Variants in OR5AR1 observed in about 807,000 individuals in gnomAD.
OR5AR1 encodes olfactory receptor 5AR1.
Under a neutral mutation model 12.3 loss-of-function variants are expected in OR5AR1, and 19 were observed. The observed-to-expected ratio is 1.55, with a 90% CI of 1.08 to 2.27. The LOEUF is 2.27. Ranked by LOEUF, OR5AR1 falls within the 30% of genes most tolerant of loss-of-function variation. OR5AR1 has a pLI of 0.00. For missense variants in OR5AR1, 432 were observed against 378.4 expected (o/e 1.14, Z -1.18); for synonymous variants, 156 against 138.8 (o/e 1.12, Z -0.87).
In OR5AR1 at chr11:56,663,907, C is replaced by T. The variant is rs1473474953; in HGVS notation, c.222C>T (p.Ser74=). ...TCTCCTTTGTTGACCTGGGCTACTC[C>T]TCAGCCATTGCCCCCAGGATGCTGG... ...CNLSFVDLGY[S]SAIAPRMLAD... The change falls in exon 1 of 1, where the codon TCC becomes TCT. Residue 74 remains serine (S), a synonymous_variant. Transcript: ENST00000624596. The T allele has an allele frequency of 6.2e-7, 1 of 1,613,920 alleles. No homozygotes were observed. Among genetic ancestry groups the T allele is most frequent in the South Asian group, 1.1e-5 (1 of 91,078 alleles).
At position 56,664,556 on chromosome 11, in the gene OR5AR1, A is replaced by C; in HGVS notation, c.871A>C (p.Ser291Arg). ...IIPMLNPLIY[S>R]LRNKDVKAAF... is the part of the protein sequence containing the mutation. ...CCCCATGTTAAATCCCTTGATCTAC[A>C]GTTTGCGGAACAAGGATGTGAAAGC... Residue 291 changes from serine to arginine, a missense_variant, in exon 1 of 1, where the codon AGT becomes CGT. Ser to Arg is a moderately radical substitution (Grantham distance 110). Coordinates refer to ENST00000624596, the MANE Select transcript of OR5AR1 (RefSeq NM_001004730.1). 1 of 1,613,474 alleles carries C rather than the reference A, an allele frequency of 6.2e-7. No homozygotes were observed. The highest frequency in any genetic ancestry group is 8.5e-7 in the Non-Finnish European group (1 of 1,179,656).
At position 56,663,783 on chromosome 11, in the gene OR5AR1, T is replaced by G. The variant is rs778459368; in HGVS notation, c.98T>G (p.Ile33Arg). The change falls in exon 1 of 1, where the codon ATA becomes AGA. Residue 33 changes from isoleucine (I) to arginine (R), a missense_variant. Coordinates refer to ENST00000624596, the MANE Select transcript of OR5AR1 (RefSeq NM_001004730.1). ...MEIIFFVVFL[I>R]VYLVNVVGNI... Reference sequence around the variant, plus strand: ...ATCATCTTCTTCGTGGTCTTCCTCATAGTTTACCTGGTTAATGTAGTGGGG... The same window carrying G: ...ATCATCTTCTTCGTGGTCTTCCTCAGAGTTTACCTGGTTAATGTAGTGGGG... The G allele has an allele frequency of 6.8e-6, 11 of 1,613,490 alleles. No individual in the cohort carries two copies. The highest frequency in any genetic ancestry group is 9.3e-6 in the Non-Finnish European group (11 of 1,179,570).
At position 56,664,373 on chromosome 11, in the gene OR5AR1, T is replaced by C; in HGVS notation, c.688T>C (p.Ser230Pro). Residue 230 changes from serine (S) to proline (P), a missense_variant, in exon 1 of 1, where the codon TCA (serine) becomes CCA (proline). Transcript: ENST00000624596. ...CCTTGTTGCAATCATCAGAATGCGT[T>C]CAGCTGAAGGCCGCCTTAAGGCTTT... Reference protein sequence around the residue: ...FILVAIIRMRSAEGRLKAFST... With the variant: ...FILVAIIRMRPAEGRLKAFST... 6.2e-7 allele frequency: 1 copy of C among 1,614,064 alleles called. No homozygotes were observed. Among genetic ancestry groups the C allele is most frequent in the African/African-American group, 1.3e-5 (1 of 75,036 alleles).
chr11:56,663,864 A>G lies in OR5AR1; in HGVS notation c.179A>G (p.Tyr60Cys). The part of the protein sequence containing the change: ...TTDTQLHTPM[Y>C]FFLCNLSFVD... ...GACACTCAGCTTCACACACCCATGT[A>G]TTTTTTCCTCTGCAACCTCTCCTTT... Residue 60 changes from tyrosine to cysteine, a missense_variant, in exon 1 of 1, where the codon TAT (tyrosine) becomes TGT (cysteine). By Grantham distance (194) the Tyr-to-Cys change is radical. Coordinates refer to ENST00000624596, the MANE Select transcript of OR5AR1 (RefSeq NM_001004730.1). 1 of 1,613,926 alleles carries G rather than the reference A, an allele frequency of 6.2e-7. No individual in the cohort carries two copies. Among genetic ancestry groups the G allele is most frequent in the Non-Finnish European group, 8.5e-7 (1 of 1,179,968 alleles).
chr11:56,664,124 G>T lies in OR5AR1; in HGVS notation c.439G>T (p.Gly147Cys). 6.2e-7 allele frequency: 1 copy of T among 1,613,900 alleles called. No individual in the cohort carries two copies. The highest frequency in any genetic ancestry group is 8.5e-7 in the Non-Finnish European group (1 of 1,179,962). ...GCAGGTCTGCTTGGCTCTCATGCTGGGCTCTTACCTGGCTGGTCTAGTGAG... is the reference window on the plus strand; with the variant it reads ...GCAGGTCTGCTTGGCTCTCATGCTGTGCTCTTACCTGGCTGGTCTAGTGAG... ...SKQVCLALMLGSYLAGLVSLV... is the reference protein window; with the variant it reads ...SKQVCLALMLCSYLAGLVSLV... Residue 147 changes from glycine to cysteine, a missense_variant, in exon 1 of 1, where the codon GGC becomes TGC. Physicochemically the swap from Gly to Cys is radical, Grantham distance 159. Coordinates refer to ENST00000624596, the MANE Select transcript of OR5AR1 (RefSeq NM_001004730.1).
rs753764054 is a variant in OR5AR1 at position 56,663,779 on chromosome 11, C to T, written c.94C>T (p.Leu32Phe). 1 of 1,613,532 alleles carries T rather than the reference C, an allele frequency of 6.2e-7. No homozygotes were observed. The highest frequency in any genetic ancestry group is 1.1e-5 in the South Asian group (1 of 91,064). The change falls in exon 1 of 1, where the codon CTC becomes TTC. Residue 32 changes from leucine to phenylalanine, a missense_variant. Transcript: ENST00000624596. ...QMEIIFFVVF[L>F]IVYLVNVVGN... ...GGAGATCATCTTCTTCGTGGTCTTC[C>T]TCATAGTTTACCTGGTTAATGTAGT...
Position 56,664,302 on chromosome 11 carries a change from T to C in OR5AR1, c.617T>C (p.Ile206Thr), listed in dbSNP as rs768203065. ...TTGCTCTTCAGTCTGTGTGGCTTCA[T>C]TGAATTCAGCACCATCCTCATCATC... ...EILLFSLCGF[I>T]EFSTILIIFI... The change falls in exon 1 of 1, where the codon ATT (isoleucine) becomes ACT (threonine). Residue 206 changes from isoleucine to threonine, a missense_variant. Transcript: ENST00000624596. 9.3e-6 allele frequency: 15 copies of C among 1,614,038 alleles called. No individual in the cohort carries two copies. The South Asian group carries it at 1.4e-4, about 15-fold the overall frequency.
chr11:56,664,050 G>A lies in OR5AR1; in HGVS notation c.365G>A (p.Arg122His), dbSNP rs143043362. 5.3e-5 allele frequency: 86 copies of A among 1,613,974 alleles called. No homozygotes were observed. Among genetic ancestry groups the A allele is most frequent in the East Asian group, 2.7e-4 (12 of 44,834 alleles). The change falls in exon 1 of 1, where the codon CGT becomes CAT. Residue 122 changes from arginine to histidine, a missense_variant. Arg to His is a conservative substitution (Grantham distance 29, BLOSUM62 0). Coordinates refer to ENST00000624596, the MANE Select transcript of OR5AR1 (RefSeq NM_001004730.1). ...CYVLAAMAYG[R>H]FVAICRPLHY... The stretch of plus-strand genomic sequence containing the variant: ...GTCCTGGCAGCCATGGCCTATGGTC[G>A]TTTTGTGGCCATTTGTCGACCCCTC...
chr11:56,663,733 C>A lies in OR5AR1; in HGVS notation c.48C>A (p.Gly16=). 2.5e-6 allele frequency: 4 copies of A among 1,613,270 alleles called. No homozygotes were observed. The highest frequency in any genetic ancestry group is 3.4e-6 in the Non-Finnish European group (4 of 1,179,426). ...SSMVTEFIFM[G]ITQDPQMEII... ...TGGTGACTGAGTTTATCTTCATGGG[C>A]ATCACCCAGGACCCTCAGATGGAGA... The change falls in exon 1 of 1, where the codon GGC becomes GGA. Residue 16 remains glycine (G), a synonymous_variant. Transcript: ENST00000624596.
Position 56,664,132 on chromosome 11 carries a change from C to T in OR5AR1, c.447C>T (p.Tyr149=), listed in dbSNP as rs947506451. The T allele has an allele frequency of 6.2e-7, 1 of 1,613,934 alleles. No homozygotes were observed. Among genetic ancestry groups the T allele is most frequent in the East Asian group, 2.2e-5 (1 of 44,840 alleles). ...GCTTGGCTCTCATGCTGGGCTCTTA[C>T]CTGGCTGGTCTAGTGAGTTTAGTAG... ...QVCLALMLGS[Y]LAGLVSLVAH... is the part of the protein sequence containing the mutation. Residue 149 remains tyrosine (Y), a synonymous_variant, in exon 1 of 1, where the codon TAC becomes TAT. Transcript: ENST00000624596.
At position 56,664,458 on chromosome 11, in the gene OR5AR1, T is replaced by C. The variant is rs1224156851; in HGVS notation, c.773T>C (p.Met258Thr). ...CTCTTCTATGGCACAGTCATGTTTA[T>C]GTACCTGAGGCCAACATCCAGCTAC... ...ITLFYGTVMF[M>T]YLRPTSSYSL... Residue 258 changes from methionine to threonine, a missense_variant, in exon 1 of 1, where the codon ATG becomes ACG. By Grantham distance (81) the Met-to-Thr change is moderately conservative (BLOSUM62 -1). Transcript: ENST00000624596. The C allele has an allele frequency of 1.2e-6, 2 of 1,614,176 alleles. No homozygotes were observed. The highest frequency in any genetic ancestry group is 1.7e-6 in the Non-Finnish European group (2 of 1,180,038).
chr11:56,664,087 C>T lies in OR5AR1; in HGVS notation c.402C>T (p.Thr134=), dbSNP rs781449102. 3.7e-5 allele frequency: 59 copies of T among 1,613,922 alleles called. No homozygotes were observed. Among genetic ancestry groups the T allele is most frequent in the Non-Finnish European group, 4.4e-5 (52 of 1,180,028 alleles). Residue 134 remains threonine, a synonymous_variant, in exon 1 of 1, where the codon ACC becomes ACT. Transcript: ENST00000624596. ...VAICRPLHYS[T]FMSKQVCLAL... is the part of the protein sequence containing the mutation. Reference sequence around the variant, plus strand: ...TTTGTCGACCCCTCCACTATAGCACCTTCATGTCCAAGCAGGTCTGCTTGG... The same window carrying T: ...TTTGTCGACCCCTCCACTATAGCACTTTCATGTCCAAGCAGGTCTGCTTGG...
chr11:56,664,068 G>C lies in OR5AR1; in HGVS notation c.383G>C (p.Arg128Pro), dbSNP rs1056426910. Residue 128 changes from arginine (R) to proline (P), a missense_variant, in exon 1 of 1, where the codon CGA becomes CCA. Transcript: ENST00000624596. ...MAYGRFVAIC[R>P]PLHYSTFMSK... ...TATGGTCGTTTTGTGGCCATTTGTC[G>C]ACCCCTCCACTATAGCACCTTCATG... The C allele has an allele frequency of 4.6e-5, 74 of 1,613,660 alleles. No homozygotes were observed. The highest frequency in any genetic ancestry group is 5.6e-5 in the Non-Finnish European group (66 of 1,179,970).
rs756919857 is a variant in OR5AR1 at position 56,663,715 on chromosome 11, T to C, written c.30T>C (p.Thr10=). The C allele has an allele frequency of 3.3e-5, 54 of 1,612,092 alleles. No individual in the cohort carries two copies. Among genetic ancestry groups the C allele is most frequent in the Non-Finnish European group, 4.4e-5 (52 of 1,178,928 alleles). Residue 10 remains threonine, a synonymous_variant, in exon 1 of 1, where the codon ACT becomes ACC. Coordinates refer to ENST00000624596, the MANE Select transcript of OR5AR1 (RefSeq NM_001004730.1). MDKENSSMV[T]EFIFMGITQD... is the part of the protein sequence containing the mutation. ...ATAAAGAAAACAGCTCAATGGTGAC[T>C]GAGTTTATCTTCATGGGCATCACCC...
rs772609353 is a variant in OR5AR1, at chr11:56,663,932, G to T, written c.247G>T (p.Ala83Ser). ...YSSAIAPRML[A>S]DFLTNHKVIS... is the part of the protein sequence containing the mutation. ...CTCAGCCATTGCCCCCAGGATGCTG[G>T]CTGACTTCCTAACAAATCACAAAGT... The change falls in exon 1 of 1, where the codon GCT becomes TCT. Residue 83 changes from alanine to serine, a missense_variant. Physicochemically the swap from Ala to Ser is moderately conservative, Grantham distance 99 (BLOSUM62 1). Coordinates refer to ENST00000624596, the MANE Select transcript of OR5AR1 (RefSeq NM_001004730.1). 8.1e-6 allele frequency: 13 copies of T among 1,614,084 alleles called. 1 individual carries two copies. In the South Asian group the frequency reaches 1.4e-4, roughly 18 times the overall value.
chr11:56,664,548 T>C lies in OR5AR1; in HGVS notation c.863T>C (p.Leu288Ser), dbSNP rs759397971. 1.2e-6 allele frequency: 2 copies of C among 1,613,592 alleles called. No homozygotes were observed. The highest frequency in any genetic ancestry group is 2.7e-5 in the African/African-American group (2 of 74,906). ...GTTATCATCCCCATGTTAAATCCCT[T>C]GATCTACAGTTTGCGGAACAAGGAT... ...YTVIIPMLNPLIYSLRNKDVK... is the reference protein window; with the variant it reads ...YTVIIPMLNPSIYSLRNKDVK... Residue 288 changes from leucine (L) to serine (S), a missense_variant, in exon 1 of 1, where the codon TTG (leucine) becomes TCG (serine). By Grantham distance (145) the Leu-to-Ser change is moderately radical. Transcript: ENST00000624596.
In OR5AR1 at chr11:56,663,918, C is replaced by T. The variant is rs768492611; in HGVS notation, c.233C>T (p.Ala78Val). ...FVDLGYSSAI[A>V]PRMLADFLTN... Reference sequence around the variant, plus strand: ...GACCTGGGCTACTCCTCAGCCATTGCCCCCAGGATGCTGGCTGACTTCCTA... The same window carrying T: ...GACCTGGGCTACTCCTCAGCCATTGTCCCCAGGATGCTGGCTGACTTCCTA... Residue 78 changes from alanine to valine, a missense_variant, in exon 1 of 1, where the codon GCC becomes GTC. Coordinates refer to ENST00000624596, the MANE Select transcript of OR5AR1 (RefSeq NM_001004730.1). 5 of 1,613,798 alleles carry T rather than the reference C, an allele frequency of 3.1e-6. No individual in the cohort carries two copies. The East Asian group carries it at 6.7e-5, about 22-fold the overall frequency.
Position 56,664,412 on chromosome 11 carries a change from T to A in OR5AR1, c.727T>A (p.Ser243Thr), listed in dbSNP as rs186656468. 2.4e-5 allele frequency: 38 copies of A among 1,614,084 alleles called. 1 individual carries two copies. The Admixed American group carries it at 5.0e-4, about 21-fold the overall frequency. The change falls in exon 1 of 1, where the codon TCT (serine) becomes ACT (threonine). Residue 243 changes from serine (S) to threonine (T), a missense_variant. Physicochemically the swap from Ser to Thr is moderately conservative, Grantham distance 58. Transcript: ENST00000624596. The part of the protein sequence containing the change: ...GRLKAFSTCG[S>T]HLTGITLFYG... ...CCTTAAGGCTTTCTCCACCTGCGGGTCTCACCTTACTGGCATCACCCTCTT... is the reference window on the plus strand; with the variant it reads ...CCTTAAGGCTTTCTCCACCTGCGGGACTCACCTTACTGGCATCACCCTCTT...
In OR5AR1 at chr11:56,664,174, C is replaced by T. The variant is rs899478491; in HGVS notation, c.489C>T (p.Thr163=). Residue 163 remains threonine, a synonymous_variant, in exon 1 of 1, where the codon ACC becomes ACT. Coordinates refer to ENST00000624596, the MANE Select transcript of OR5AR1 (RefSeq NM_001004730.1). ...LVSLVAHTTL[T]FSLSYCGSNI... ...GTTTAGTAGCCCACACTACCCTCAC[C>T]TTCAGCCTGAGTTACTGTGGTTCCA... is the stretch of plus-strand genomic sequence containing the variant. The T allele has an allele frequency of 6.2e-6, 10 of 1,613,900 alleles. No individual in the cohort carries two copies. The Admixed American group carries it at 6.7e-5, about 11-fold the overall frequency.
Sources: gnomAD v4.1 joint callset for allele counts on GRCh38, gnomAD v4.1.1 for gene constraint, MANE v1.5 for transcripts, NCBI Gene and HGNC (gene_info 2026-07-23, HGNC 2026-07-21) for gene names.